CPPED1: variants seen among roughly 807,000 people sequenced by gnomAD.
The protein encoded by CPPED1 is serine/threonine-protein phosphatase CPPED1.
Under a neutral mutation model 28.0 loss-of-function variants are expected in CPPED1, and 28 were observed. That is an observed-to-expected ratio of 1.00 (90% CI 0.74 to 1.37). CPPED1 has a LOEUF of 1.37. CPPED1 is among the 40% of genes most tolerant of loss of function. CPPED1 has a pLI of 0.00. For synonymous variants in CPPED1, 198 were observed against 180.2 expected (o/e 1.10, Z -0.79); for missense variants, 504 against 416.5 (o/e 1.21, Z -1.83).
chr16:12,762,710 T>C (rs906067255), intron 2 of CPPED1, among the ~76,000 whole-genome samples: 4 of 152,132 alleles, frequency 2.6e-5, no homozygotes, highest in Non-Finnish European at 5.9e-5. Context: ...GAATGACAGC[T>C]AACAGGGACG....
intron 1 of CPPED1, among the ~76,000 whole-genome samples, chr16:12,801,621 C>T (rs1596491279): frequency 6.6e-6 from 1 of 152,036 alleles, no homozygotes. Flanking sequence ...CTCAGAGTAA[C>T]TCTCCCATGT....
At position 12,705,122 on chromosome 16, in the gene CPPED1, C is replaced by CA. The variant is rs1314506328; in HGVS notation, c.290-74_290-73insT. 12 of 1,426,534 alleles carry CA rather than the reference C, an allele frequency of 8.4e-6. No homozygotes were observed. The African/African-American group carries it at 1.3e-4, about 15-fold the overall frequency. The allele number at this position is 1,426,534 out of a possible 1,614,324, so 88.4% of individuals were successfully genotyped here. A position where few individuals can be genotyped will look rare whatever the true frequency, so the allele number is the denominator to read the frequency against. On this transcript the variant is annotated intron_variant, in intron 2 of 3. Coordinates refer to ENST00000381774, the MANE Select transcript of CPPED1 (RefSeq NM_018340.3). The stretch of plus-strand genomic sequence containing the variant: ...TTGAAATAACTAACTTAAGTACTTA[C>CA]TAACATAAAATTTAAAAAAAGAGTA...
chr16:12,800,647 C>G (rs1249708457), intron 1 of CPPED1, among the ~76,000 whole-genome samples: 1 of 152,162 alleles, frequency 6.6e-6, no homozygotes, highest in Admixed American at 6.6e-5. Context: ...CCTCTTGATG[C>G]TATTAGGACA....
At chr16:12,706,746 G>T (rs546940993) in intron 2 of CPPED1, among the ~76,000 whole-genome samples, 9 of 152,016 alleles carry the variant, frequency 5.9e-5, no homozygotes, top group African/African-American at 2.2e-4. Context: ...CTGGAAGAGA[G>T]GACTCTCGGT....
Position 12,801,411 on chromosome 16 carries a change from G to A in CPPED1, c.70+2296C>T, listed in dbSNP as rs182825478. ...GCCGGCCCTCAACAAATATATAGGCGTGAGCCACCGCAGCCAGCCCACAAC... is the reference window on the plus strand; with the variant it reads ...GCCGGCCCTCAACAAATATATAGGCATGAGCCACCGCAGCCAGCCCACAAC... On this transcript the variant is annotated intron_variant, in intron 1 of 3. Coordinates refer to ENST00000381774, the MANE Select transcript of CPPED1 (RefSeq NM_018340.3). Among the ~76,000 whole-genome samples, 29 of 151,796 alleles carry A rather than the reference G, an allele frequency of 1.9e-4. 1 individual carries two copies. In the East Asian group the frequency reaches 4.9e-3, roughly 25 times the overall value.
intron 1 of CPPED1, among the ~76,000 whole-genome samples, chr16:12,782,927 C>T (rs1385391627): frequency 6.6e-6 from 1 of 152,066 alleles, no homozygotes; most frequent in Non-Finnish European, 1.5e-5. Flanking sequence ...AATGGCATTT[C>T]CTTTGGAAGT....
chr16:12,771,954 CT>C (rs2080472564), intron 2 of CPPED1, among the ~76,000 whole-genome samples: 1 of 152,066 alleles, frequency 6.6e-6, no homozygotes, highest in African/African-American at 2.4e-5. Context: ...GAAACCTTGT[CT>C]CTACTAAAAA....
intron 2 of CPPED1, among the ~76,000 whole-genome samples, chr16:12,748,780 G>A (rs2080308009): frequency 6.6e-6 from 1 of 151,902 alleles, no homozygotes; most frequent in East Asian, 1.9e-4. Context: ...CTACTCAGGA[G>A]GCTGAGGTAG....
rs565112582 is a variant in CPPED1 at position 12,789,884 on chromosome 16, G to A, written c.71-8481C>T. Reference sequence around the variant, plus strand: ...AATTAACTTTGAAACACTTTTAAATGAAAAATTGACCTTAGAAATCAGAGT... The same window carrying A: ...AATTAACTTTGAAACACTTTTAAATAAAAAATTGACCTTAGAAATCAGAGT... On this transcript the variant is annotated intron_variant, in intron 1 of 3. Coordinates refer to ENST00000381774, the MANE Select transcript of CPPED1 (RefSeq NM_018340.3). Among the ~76,000 whole-genome samples the A allele has an allele frequency of 2.1e-4, 32 of 152,248 alleles. No individual in the cohort carries two copies. The South Asian group carries it at 6.0e-3, about 29-fold the overall frequency.
At chr16:12,681,437 A>G (rs2079904368) in intron 3 of CPPED1, among the ~76,000 whole-genome samples, 1 of 152,130 alleles carries the variant, frequency 6.6e-6, no homozygotes, top group Non-Finnish European at 1.5e-5. Context: ...ACTGTAAAAA[A>G]TCAATCTCTG....
rs1567269791 is a variant in CPPED1 at position 12,664,510 on chromosome 16, TCA to T, written c.*374_*375del. 31 of 1,065,124 alleles carry T rather than the reference TCA, an allele frequency of 2.9e-5. No homozygotes were observed. The highest frequency in any genetic ancestry group is 1.9e-4 in the South Asian group (7 of 36,070). 66.0% of individuals were successfully genotyped at this position (1,065,124 alleles called of 1,614,324 possible). A position where few individuals can be genotyped will look rare whatever the true frequency, so the allele number is the denominator to read the frequency against. On this transcript the variant is annotated 3_prime_UTR_variant, in exon 4 of 4. Transcript: ENST00000381774. This position sits in a 1 kb window ranked among gnomAD's most constrained non-coding sequence, Gnocchi z 4.2. ...AGTTTGTTTAAGGAATTATCAAAGA[TCA>T]TACTTGGCTGTCAGATTGGAATTGA...
chr16:12,684,118 G>C (rs1189278011), intron 3 of CPPED1, among the ~76,000 whole-genome samples: 6 of 152,196 alleles, frequency 3.9e-5, no homozygotes, highest in Non-Finnish European at 5.9e-5. Context: ...TGGAGACGGA[G>C]TGTTTCAGCC....
At chr16:12,731,645 C>T (rs891166759) in intron 2 of CPPED1, among the ~76,000 whole-genome samples, 40 of 151,578 alleles carry the variant, frequency 2.6e-4, no homozygotes, top group African/African-American at 5.6e-4. Context: ...GCCTTCATCA[C>T]GCGATGGTGA....
intron 2 of CPPED1, among the ~76,000 whole-genome samples, chr16:12,740,595 G>T (rs1021340559): frequency 1.2e-4 from 18 of 152,160 alleles, no homozygotes; most frequent in Admixed American, 6.5e-4. Context: ...ACAGCTAAAT[G>T]TCAAATTAGA....
chr16:12,754,709 T>C (rs1368985240), intron 2 of CPPED1, among the ~76,000 whole-genome samples: 2 of 152,060 alleles, frequency 1.3e-5, no homozygotes, highest in African/African-American at 4.8e-5. Flanking sequence ...AATGTTAAAG[T>C]GTAGCATAGG....
At position 12,693,142 on chromosome 16, in the gene CPPED1, A is replaced by C. The variant is rs531033084; in HGVS notation, c.715+11482T>G. 2.3e-4 allele frequency among the ~76,000 whole-genome samples: 35 copies of C among 152,176 alleles called. 1 individual carries two copies. In the South Asian group the frequency reaches 6.8e-3, roughly 30 times the overall value. Reference sequence around the variant, plus strand: ...CCTGTGCCGAAGACCTGGAGAAGGCACCTTTAAGGTCCTGATAGAGGGGCT... The same window carrying C: ...CCTGTGCCGAAGACCTGGAGAAGGCCCCTTTAAGGTCCTGATAGAGGGGCT... On this transcript the variant is annotated intron_variant, in intron 3 of 3. Transcript: ENST00000381774.
chr16:12,677,708 T>A (rs1181080194), intron 3 of CPPED1, among the ~76,000 whole-genome samples: 1 of 152,208 alleles, frequency 6.6e-6, no homozygotes, highest in Non-Finnish European at 1.5e-5. Context: ...CATCAAAGCA[T>A]CCCATCACTT....
intron 1 of CPPED1, among the ~76,000 whole-genome samples, chr16:12,799,602 T>A (rs1346983628): frequency 6.6e-6 from 1 of 152,228 alleles, no homozygotes; most frequent in Admixed American, 6.5e-5. Context: ...TCTACTGGCT[T>A]CCCAAGGAGT....
intron 1 of CPPED1, among the ~76,000 whole-genome samples, chr16:12,797,934 T>C (rs1386066368): frequency 6.6e-6 from 1 of 151,396 alleles, no homozygotes; most frequent in Non-Finnish European, 1.5e-5. Flanking sequence ...TACTTAAAAA[T>C]TAGCCAGGCA....
Sources: allele counts gnomAD v4.1 joint callset (sites outside exome capture counted in the v4.1 genomes callset), GRCh38; gene constraint gnomAD v4.1.1; non-coding constraint Gnocchi (gnomAD v3.1); transcripts MANE v1.5; gene names NCBI Gene and HGNC (gene_info 2026-07-23, HGNC 2026-07-21).